Variants in GALNT17 observed in about 807,000 individuals in gnomAD.
GALNT17 encodes UDP-GalNAc:polypeptide N-acetylgalactosaminyltransferase-like 3.
GALNT17 carries 29 observed loss-of-function variants against 63.7 expected under a neutral mutation model. The observed-to-expected ratio is 0.46, with a 90% CI of 0.34 to 0.62. The LOEUF is 0.62. Ranked by LOEUF, GALNT17 falls within the 20% of genes least tolerant of loss-of-function variation. GALNT17 has a pLI of 0.01. For missense variants in GALNT17, 603 were observed against 799.6 expected, an observed-to-expected ratio of 0.75 and a Z score of 2.97; for synonymous variants, 305 against 318.3, an observed-to-expected ratio of 0.96 and a Z score of 0.45.
At chr7:71,576,593 CAG>C (rs1789542270) in intron 6 of GALNT17, among the ~76,000 whole-genome samples, 2 of 146,894 alleles carry the variant, frequency 1.4e-5, no homozygotes, top group South Asian at 4.3e-4. Context: ...TTTTTTGAGA[CAG>C]AGTCTTGCTC....
At chr7:71,270,241 G>T (rs993105961) in intron 1 of GALNT17, among the ~76,000 whole-genome samples, 7 of 151,924 alleles carry the variant, frequency 4.6e-5, no homozygotes, top group Non-Finnish European at 8.8e-5. Flanking sequence ...AGTCCCTGGG[G>T]TATCTCACTC....
intron 1 of GALNT17, among the ~76,000 whole-genome samples, chr7:71,190,839 C>T (rs1320340479): frequency 6.6e-6 from 1 of 152,032 alleles, no homozygotes; most frequent in Non-Finnish European, 1.5e-5. Flanking sequence ...CCGTGTTGCC[C>T]AGGCTGGTCT....
chr7:71,242,511 G>A (rs1013602429), intron 1 of GALNT17, among the ~76,000 whole-genome samples: 4 of 151,822 alleles, frequency 2.6e-5, no homozygotes, highest in South Asian at 2.1e-4. Flanking sequence ...CTCGTGATCC[G>A]CCCTCCTCAG....
chr7:71,212,304 G>A (rs1009892317), intron 1 of GALNT17, among the ~76,000 whole-genome samples: 2 of 152,058 alleles, frequency 1.3e-5, no homozygotes, highest in African/African-American at 4.8e-5. Flanking sequence ...TTGAACCTGA[G>A]GGTGCACAGA....
chr7:71,202,538 T>C (rs1562910894), intron 1 of GALNT17, among the ~76,000 whole-genome samples: 1 of 152,228 alleles, frequency 6.6e-6, no homozygotes, highest in African/African-American at 2.4e-5. Context: ...TGATTGTATA[T>C]CTTTATTAGG....
rs1036229878 is a variant in GALNT17, at chr7:71,586,020, G to A, written c.1080+14618G>A. ...CTGCCTCCCAGGTTCAAGCAATTCTGCTTCAGCCTACCAAGTAGCTGGGAC... is the reference window on the plus strand; with the variant it reads ...CTGCCTCCCAGGTTCAAGCAATTCTACTTCAGCCTACCAAGTAGCTGGGAC... On this transcript the variant is annotated intron_variant, in intron 6 of 10. Coordinates refer to ENST00000333538, the MANE Select transcript of GALNT17 (RefSeq NM_022479.3). Among the ~76,000 whole-genome samples, 7 of 150,894 alleles carry A rather than the reference G, an allele frequency of 4.6e-5. No individual in the cohort carries two copies. In the Admixed American group the frequency reaches 4.7e-4, roughly 10 times the overall value.
intron 6 of GALNT17, among the ~76,000 whole-genome samples, chr7:71,574,978 C>G (rs1431833455): frequency 6.6e-6 from 1 of 152,202 alleles, no homozygotes; most frequent in Non-Finnish European, 1.5e-5. Flanking sequence ...CTTCTCACTC[C>G]AGCCTACACA....
chr7:71,709,578 G>GTTT lies in GALNT17; in HGVS notation c.1501-1174_1501-1172dup, dbSNP rs5884857. On this transcript the variant is annotated intron_variant, in intron 9 of 10. Coordinates refer to ENST00000333538, the MANE Select transcript of GALNT17 (RefSeq NM_022479.3). The stretch of plus-strand genomic sequence containing the variant: ...CTCTGATTTTAGTTTCAGTTTTTGG[G>GTTT]TTTTTTTTTTTGTTTTTTTGGTTTT... Among the ~76,000 whole-genome samples the GTTT allele has an allele frequency of 4.0e-4, 57 of 143,914 alleles. No homozygotes were observed. The East Asian group carries it at 0.011, about 28-fold the overall frequency. 94.4% of individuals were successfully genotyped at this position (143,914 alleles called of 152,430 possible). A position where few individuals can be genotyped will look rare whatever the true frequency, so the allele number is the denominator to read the frequency against.
chr7:71,548,426 C>T (rs1376279681), intron 5 of GALNT17, among the ~76,000 whole-genome samples: 1 of 152,134 alleles, frequency 6.6e-6, no homozygotes, highest in Admixed American at 6.5e-5. Flanking sequence ...ACCATCTTTT[C>T]TTTTGTTGGG....
chr7:71,417,394 A>G (rs1338200059), intron 4 of GALNT17, among the ~76,000 whole-genome samples: 10 of 151,998 alleles, frequency 6.6e-5, no homozygotes, highest in Non-Finnish European at 1.0e-4. Flanking sequence ...TTTCCCTCCC[A>G]GTTTTTTGCT....
intron 1 of GALNT17, among the ~76,000 whole-genome samples, chr7:71,208,700 T>C (rs1466613148): frequency 6.6e-6 from 1 of 152,064 alleles, no homozygotes; most frequent in Non-Finnish European, 1.5e-5. Context: ...TGTCTTCCCA[T>C]CTTGACCTCC....
At chr7:71,687,739 T>C (rs1791383534) in intron 9 of GALNT17, among the ~76,000 whole-genome samples, 1 of 152,198 alleles carries the variant, frequency 6.6e-6, no homozygotes, top group African/African-American at 2.4e-5. Context: ...ATTTTTTTAT[T>C]AATTAACTAT....
intron 1 of GALNT17, among the ~76,000 whole-genome samples, chr7:71,299,769 A>T (rs1047355293): frequency 6.7e-6 from 1 of 149,060 alleles, no homozygotes; most frequent in Non-Finnish European, 1.5e-5. Context: ...TATTATTACA[A>T]TTTTTTTTTT....
At chr7:71,231,892 A>G (rs747051094) in intron 1 of GALNT17, among the ~76,000 whole-genome samples, 1 of 152,106 alleles carries the variant, frequency 6.6e-6, no homozygotes, top group African/African-American at 2.4e-5. Context: ...CCCCACCTTC[A>G]AATACCATGA....
chr7:71,265,861 T>A (rs1451149947), intron 1 of GALNT17, among the ~76,000 whole-genome samples: 1 of 152,212 alleles, frequency 6.6e-6, no homozygotes, highest in African/African-American at 2.4e-5. Flanking sequence ...CTGTAACAAA[T>A]GGCTTCATAG....
intron 1 of GALNT17, among the ~76,000 whole-genome samples, chr7:71,173,328 A>G (rs1788578429): frequency 6.6e-6 from 1 of 152,218 alleles, no homozygotes; most frequent in Admixed American, 6.5e-5. Flanking sequence ...TTGGGGTCAT[A>G]GCGTGACTGG....
intron 5 of GALNT17, among the ~76,000 whole-genome samples, chr7:71,513,208 G>C (rs74337598): frequency 0.041 from 6,170 of 151,930 alleles, 238 homozygotes; most frequent in African/African-American, 0.094. Flanking sequence ...ATTTTCATTT[G>C]CAGCTCTTTA....
intron 6 of GALNT17, among the ~76,000 whole-genome samples, chr7:71,620,143 G>A (rs775907087): frequency 1.3e-5 from 2 of 152,152 alleles, no homozygotes; most frequent in Non-Finnish European, 2.9e-5. Flanking sequence ...TAGAGCCTGT[G>A]TGATCATGGT....
intron 5 of GALNT17, among the ~76,000 whole-genome samples, chr7:71,538,166 A>G (rs1480724863): frequency 6.6e-6 from 1 of 152,234 alleles, no homozygotes; most frequent in African/African-American, 2.4e-5. Flanking sequence ...ACGAACATTG[A>G]TAATTTTGTA....
Sources: gnomAD v4.1 joint callset for allele counts (sites outside exome capture counted in the v4.1 genomes callset) on GRCh38, gnomAD v4.1.1 for gene constraint, MANE v1.5 for transcripts, NCBI Gene and HGNC (gene_info 2026-07-23, HGNC 2026-07-21) for gene names.